NEB: variants seen among roughly 807,000 people sequenced by gnomAD.
The protein encoded by NEB is nemaline myopathy type 2.
NEB carries 512 observed loss-of-function variants against 952.2 expected under a neutral mutation model. The ratio of observed to expected loss-of-function variants is 0.54; its 90% CI spans 0.50 to 0.58. NEB has a LOEUF of 0.58. Among genes scored for constraint, NEB ranks in the 20% least tolerant of loss-of-function variants. The pLI is 0.00. For synonymous variants in NEB, 2,900 were observed against 3,149.8 expected (o/e 0.92, Z 2.66); for missense variants, 8,428 against 9,231.1 (o/e 0.91, Z 3.56).
chr2:151,624,452 G>A (rs949422216), intron 71 of NEB, among the ~76,000 whole-genome samples: 3 of 152,214 alleles, frequency 2.0e-5, no homozygotes, highest in African/African-American at 7.2e-5. Flanking sequence ...CCTGGGAGAA[G>A]ATAATCCAAC....
intron 105 of NEB, among the ~76,000 whole-genome samples, chr2:151,578,095 A>G (rs1055379145): frequency 6.6e-6 from 1 of 152,228 alleles, no homozygotes; most frequent in Non-Finnish European, 1.5e-5. Context: ...CTCATTCATT[A>G]TAAAAAAGTA....
chr2:151,695,630 G>C lies in NEB; in HGVS notation c.1622C>G (p.Pro541Arg), dbSNP rs375737365. Residue 541 changes from proline (P) to arginine (R), a missense_variant, in exon 18 of 182, where the codon CCT becomes CGT. By Grantham distance (103) the Pro-to-Arg change is moderately radical (BLOSUM62 -2). This residue lies in a region of NEB where 2,851 missense variants were observed against 2,791.5 expected (regional missense o/e 1.02). Coordinates refer to ENST00000397345, the MANE Select transcript of NEB (RefSeq NM_001164508.2). ...ESEKFKCHIP[P>R]DTPAFIQHKV... is the part of the protein sequence containing the mutation. ...GTGCTGGATAAAAGCAGGAGTATCA[G>C]GGGGGATATGGCACTTGAACTTTTC... is the stretch of plus-strand genomic sequence containing the variant. 82 of 1,613,626 alleles carry C rather than the reference G, an allele frequency of 5.1e-5. 1 individual carries two copies. In the South Asian group the frequency reaches 8.2e-4, roughly 16 times the overall value.
chr2:151,723,514 G>A lies in NEB; in HGVS notation c.613-28C>T, dbSNP rs2099780568. On this transcript the variant is annotated intron_variant, in intron 8 of 181. Coordinates refer to ENST00000397345, the MANE Select transcript of NEB (RefSeq NM_001164508.2). The stretch of plus-strand genomic sequence containing the variant: ...AAATCAAAAAAGAGTGAAAAGTTAG[G>A]AGGAAGTAGGGTCACGTTTACACAA... 4 of 1,501,142 alleles carry A rather than the reference G, an allele frequency of 2.7e-6. No individual in the cohort carries two copies. In the East Asian group the frequency reaches 7.0e-5, roughly 26 times the overall value. 93.0% of individuals were successfully genotyped at this position (1,501,142 alleles called of 1,614,324 possible).
In NEB at chr2:151,561,124, A is replaced by C. The variant is rs2096012670; in HGVS notation, c.19102-16T>G. ...TATATTTTACCTGTAGACAAGCAAC[A>C]ATAGGTTATTCACCTCTGTTGTTAG... is the stretch of plus-strand genomic sequence containing the variant. On this transcript the variant is annotated splice_polypyrimidine_tract_variant and intron_variant, in intron 122 of 181. Transcript: ENST00000397345. 2.6e-6 allele frequency: 4 copies of C among 1,566,606 alleles called. No homozygotes were observed. The highest frequency in any genetic ancestry group is 3.5e-6 in the Non-Finnish European group (4 of 1,142,052).
chr2:151,557,381 C>T (rs967423849), intron 124 of NEB, among the ~76,000 whole-genome samples: 1 of 152,090 alleles, frequency 6.6e-6, no homozygotes, highest in African/African-American at 2.4e-5. Context: ...AATTAATAGC[C>T]TCCCAGCCAA....
intron 64 of NEB, 145 bp from the exon 65 acceptor site, chr2:151,634,110 G>A: frequency 1.1e-5 from 11 of 974,284 alleles, no homozygotes; most frequent in Non-Finnish European, 1.6e-5. Context: ...TTTCATCCTG[G>A]AAGCCCTTAC....
chr2:151,553,968 T>C lies in NEB; in HGVS notation c.19486A>G (p.Met6496Val), dbSNP rs1354087086. 3 of 1,613,788 alleles carry C rather than the reference T, an allele frequency of 1.9e-6. No homozygotes were observed. Among genetic ancestry groups the C allele is most frequent in the Admixed American group, 1.7e-5 (1 of 60,004 alleles). ...NKMKIHIVPDMVEMVTAKDSQ... is the reference protein window; with the variant it reads ...NKMKIHIVPDVVEMVTAKDSQ... ...TCCTTGGCAGTAACCATCTCTACCA[T>C]GTCGGGCACGATGTGGATTTTCATC... The change falls in exon 126 of 182, where the codon ATG (methionine) becomes GTG (valine). Residue 6496 changes from methionine to valine, a missense_variant. Physicochemically the swap from Met to Val is conservative, Grantham distance 21. Around this residue, in one of 11 missense-constraint regions of NEB, gnomAD observed 3,374 missense variants for 3,651.5 expected, o/e 0.92. Transcript: ENST00000397345.
intron 9 of NEB, among the ~76,000 whole-genome samples, chr2:151,720,870 G>A (rs747394409): frequency 2.6e-5 from 4 of 152,110 alleles, no homozygotes; most frequent in Non-Finnish European, 5.9e-5. Context: ...TTGTTCTGAT[G>A]ACTCTCAAAT....
chr2:151,686,876 A>T (rs2148922692), intron 27 of NEB, among the ~76,000 whole-genome samples: 1 of 152,298 alleles, frequency 6.6e-6, no homozygotes, highest in African/African-American at 2.4e-5. Flanking sequence ...AGTTCACCAA[A>T]ATTCAGGCAA....
In NEB at chr2:151,627,503, C is replaced by T; in HGVS notation, c.10143+20G>A. 1 of 1,610,882 alleles carries T rather than the reference C, an allele frequency of 6.2e-7. No homozygotes were observed. Among genetic ancestry groups the T allele is most frequent in the Non-Finnish European group, 8.5e-7 (1 of 1,177,276 alleles). ...GAATTACTATTATGAGCACAGTTAC[C>T]ATGGATCTTAATTACTCACATCGCT... On this transcript the variant is annotated intron_variant, in intron 69 of 181. Transcript: ENST00000397345.
intron 13 of NEB, among the ~76,000 whole-genome samples, chr2:151,705,013 T>C (rs1007681849): frequency 3.9e-5 from 6 of 152,226 alleles, no homozygotes; most frequent in Admixed American, 6.5e-5. Context: ...TCCTCACTGA[T>C]AGCACCACAG....
chr2:151,699,807 G>T (rs1418290462), intron 13 of NEB, among the ~76,000 whole-genome samples: 131 of 149,812 alleles, frequency 8.7e-4, no homozygotes, highest in African/African-American at 2.8e-3. Context: ...CTCCCATTTT[G>T]TAGGTTGCCT....
In NEB at chr2:151,697,561, G is replaced by T. The variant is rs754561099; in HGVS notation, c.1240C>A (p.Gln414Lys). 2 of 1,612,728 alleles carry T rather than the reference G, an allele frequency of 1.2e-6. No homozygotes were observed. Among genetic ancestry groups the T allele is most frequent in the South Asian group, 1.1e-5 (1 of 90,808 alleles). ...TPKFKLDTVL[Q>K]NFSSDKKYKD... ...TTGCTTACATCACTACTGAAGTTCT[G>T]CAGAACAGTATCGAGCTTGAATTTG... Residue 414 changes from glutamine (Q) to lysine (K), a missense_variant, in exon 14 of 182, where the codon CAG becomes AAG. Physicochemically the swap from Gln to Lys is moderately conservative, Grantham distance 53. Around this residue, in one of 11 missense-constraint regions of NEB, gnomAD observed 2,851 missense variants for 2,791.5 expected, o/e 1.02. Coordinates refer to ENST00000397345, the MANE Select transcript of NEB (RefSeq NM_001164508.2).
rs941890403 is a variant in NEB at position 151,663,822 on chromosome 2, T to G, written c.5489A>C (p.Lys1830Thr). ...YKKAYEQAKG[K>T]HIGFRSLEDD... ...TTCCAGGCTCCGGAAGCCAATGTGT[T>G]TCCCTTTGGCTTGTTCATAGGCTTT... is the stretch of plus-strand genomic sequence containing the variant. Residue 1830 changes from lysine to threonine, a missense_variant, in exon 45 of 182, where the codon AAA (lysine) becomes ACA (threonine). Transcript: ENST00000397345. 4 of 1,613,840 alleles carry G rather than the reference T, an allele frequency of 2.5e-6. No individual in the cohort carries two copies. The highest frequency in any genetic ancestry group is 3.4e-6 in the Non-Finnish European group (4 of 1,179,752).
intron 29 of NEB, among the ~76,000 whole-genome samples, chr2:151,682,403 G>A (rs558838602): frequency 6.6e-6 from 1 of 152,222 alleles, no homozygotes; most frequent in South Asian, 2.1e-4. Flanking sequence ...TAACATAAAT[G>A]AATGGTTAAC....
At chr2:151,638,509 G>A (rs978092455) in intron 63 of NEB, among the ~76,000 whole-genome samples, 2 of 152,232 alleles carry the variant, frequency 1.3e-5, no homozygotes, top group Non-Finnish European at 1.5e-5. Flanking sequence ...TGCAGCTTCA[G>A]AGGACTATGT....
intron 135 of NEB, among the ~76,000 whole-genome samples, chr2:151,543,224 G>A (rs1005893478): frequency 5.3e-5 from 8 of 152,160 alleles, no homozygotes; most frequent in African/African-American, 1.9e-4. Context: ...ATGTAATGCG[G>A]CAAATGAGAA....
At chr2:151,722,782 C>G (rs1468400158) in intron 9 of NEB, among the ~76,000 whole-genome samples, 8 of 152,130 alleles carry the variant, frequency 5.3e-5, no homozygotes, top group Non-Finnish European at 1.0e-4. Context: ...CTCCTGGCTT[C>G]AAGCAATCCT....
chr2:151,496,977 C>T lies in NEB; in HGVS notation c.24357G>A (p.Met8119Ile), dbSNP rs1559206621. The change falls in exon 172 of 182, where the codon ATG becomes ATA. Residue 8119 changes from methionine (M) to isoleucine (I), a missense_variant. Transcript: ENST00000397345. ...KGTPLPVTPE[M>I]ERVKHNQENI... The stretch of plus-strand genomic sequence containing the variant: ...TTTCTTGATTGTGTTTGACTCTCTC[C>T]ATCTCAGGAGTGACAGGTAGAGGGG... 1.3e-6 allele frequency: 2 copies of T among 1,581,408 alleles called. No individual in the cohort carries two copies. The highest frequency in any genetic ancestry group is 1.3e-5 in the African/African-American group (1 of 74,484).
Sources: gnomAD v4.1 joint callset for allele counts (sites outside exome capture counted in the v4.1 genomes callset) on GRCh38, gnomAD v4.1.1 for gene constraint, gnomAD v4.1.1 regional missense constraint, MANE v1.5 for transcripts, NCBI Gene and HGNC (gene_info 2026-07-23, HGNC 2026-07-21) for gene names.